The following ABCC4 variants were observed in gnomAD, a reference collection of about 807,000 sequenced individuals.
The protein encoded by ABCC4 is ATP-binding cassette sub-family C member 4.
In ABCC4, 102 loss-of-function variants were observed where a neutral mutation model predicts 168.5. The ratio of observed to expected loss-of-function variants is 0.61; its 90% CI spans 0.52 to 0.71. The LOEUF (loss-of-function observed/expected upper bound fraction) is 0.71. Ranked by LOEUF, ABCC4 falls within the 30% of genes least tolerant of loss-of-function variation. ABCC4 has a pLI of 0.00. For synonymous variants in ABCC4, 617 were observed against 590.7 expected, an observed-to-expected ratio of 1.04 and a Z score of -0.65; for missense variants, 1,402 against 1,605.8, an observed-to-expected ratio of 0.87 and a Z score of 2.17.
At chr13:95,093,423 A>C (rs547233213) in intron 20 of ABCC4, among the ~76,000 whole-genome samples, 1 of 152,340 alleles carries the variant, frequency 6.6e-6, no homozygotes, top group East Asian at 1.9e-4. Context: ...CCACATAAAC[A>C]AAATTAAAAC....
intron 1 of ABCC4, among the ~76,000 whole-genome samples, chr13:95,267,923 C>T (rs962836323): frequency 3.3e-5 from 5 of 152,090 alleles, no homozygotes. Context: ...GCCCGTCAAT[C>T]GTGCCGATGT....
chr13:95,274,835 G>A (rs933438494), intron 1 of ABCC4, among the ~76,000 whole-genome samples: 4 of 152,174 alleles, frequency 2.6e-5, no homozygotes, highest in African/African-American at 9.7e-5. Flanking sequence ...CCAGCACTTT[G>A]GGAGGCCGAG....
At chr13:95,193,816 C>A (rs56137953) in intron 9 of ABCC4, among the ~76,000 whole-genome samples, 13,684 of 152,252 alleles carry the variant, frequency 0.09, 632 homozygotes, top group East Asian at 0.1. Flanking sequence ...GAAGGAGGAA[C>A]GAGTTCAGAG....
chr13:95,269,434 A>AAAAAAAT (rs1443330728), intron 1 of ABCC4: 2 of 118,190 alleles, frequency 1.7e-5, no homozygotes. Flanking sequence ...TCAAAAAAAA[A>AAAAAAAT]ATATATATAT....
At chr13:95,208,046 C>T (rs966460024) in intron 6 of ABCC4, 121 bp from the exon 7 acceptor site, 6 of 1,001,540 alleles carry the variant, frequency 6.0e-6, no homozygotes, top group African/African-American at 3.2e-5. Flanking sequence ...TCCGACAACA[C>T]AGACAGGTCC....
intron 20 of ABCC4, among the ~76,000 whole-genome samples, chr13:95,087,893 T>A (rs1277120730): frequency 1.3e-5 from 2 of 152,226 alleles, no homozygotes; most frequent in Non-Finnish European, 2.9e-5. Flanking sequence ...GTGAATGCCT[T>A]TAAATCAGAA....
At chr13:95,186,923 A>G in intron 10 of ABCC4, 31 bp from the exon 11 acceptor site, 1 of 1,576,872 alleles carries the variant, frequency 6.3e-7, no homozygotes, top group African/African-American at 1.4e-5. Flanking sequence ...GCACATGTTC[A>G]GTCAACACTC....
At chr13:95,026,802 T>C (rs959136032) in intron 30 of ABCC4, among the ~76,000 whole-genome samples, 3 of 151,834 alleles carry the variant, frequency 2.0e-5, no homozygotes, top group African/African-American at 4.8e-5. Flanking sequence ...GAAGGGAGCA[T>C]TGCTTGAGCC....
At chr13:95,069,109 A>G (rs2033642517) in intron 25 of ABCC4, among the ~76,000 whole-genome samples, 1 of 152,234 alleles carries the variant, frequency 6.6e-6, no homozygotes, top group African/African-American at 2.4e-5. Context: ...TTGTGACTAT[A>G]GCCCATTAAA....
At chr13:95,108,084 T>C (rs2035070434) in intron 20 of ABCC4, among the ~76,000 whole-genome samples, 1 of 152,188 alleles carries the variant, frequency 6.6e-6, no homozygotes, top group Admixed American at 6.5e-5. Context: ...GTTATTTAAA[T>C]GAGTAGTCTC....
chr13:95,121,024 G>C (rs2035553292), intron 19 of ABCC4, among the ~76,000 whole-genome samples: 1 of 152,196 alleles, frequency 6.6e-6, no homozygotes, highest in South Asian at 2.1e-4. Flanking sequence ...AGGAGATCTA[G>C]AAGTCCAGTA....
intron 19 of ABCC4, among the ~76,000 whole-genome samples, chr13:95,120,434 G>A (rs1217539089): frequency 6.6e-6 from 1 of 151,940 alleles, no homozygotes; most frequent in Admixed American, 6.6e-5. Context: ...GGGCGTGGTG[G>A]TGGGCGCCTT....
intron 20 of ABCC4, among the ~76,000 whole-genome samples, chr13:95,087,741 C>A (rs2034303270): frequency 6.6e-6 from 1 of 152,200 alleles, no homozygotes; most frequent in African/African-American, 2.4e-5. Context: ...ACAGCATCAG[C>A]ACTAAGTCAG....
At chr13:95,160,998 C>A (rs542935950) in intron 19 of ABCC4, among the ~76,000 whole-genome samples, 191 bp downstream of exon 19, 2 of 149,910 alleles carry the variant, frequency 1.3e-5, no homozygotes, top group East Asian at 3.9e-4. Context: ...TATGCCCCCC[C>A]CTCCCCCCGC....
chr13:95,167,115 T>C (rs2139562556), intron 14 of ABCC4, among the ~76,000 whole-genome samples: 1 of 151,912 alleles, frequency 6.6e-6, no homozygotes, highest in African/African-American at 2.4e-5. Flanking sequence ...AGGCGGAGGT[T>C]GCAGTGAGCA....
At chr13:95,064,270 A>G (rs1421408891) in intron 25 of ABCC4, among the ~76,000 whole-genome samples, 7 of 9,404 alleles carry the variant, frequency 7.4e-4, no homozygotes, top group East Asian at 9.1e-3. Flanking sequence ...GTATATATAT[A>G]TATATATATA....
chr13:95,283,640 A>G (rs9524886), intron 1 of ABCC4, among the ~76,000 whole-genome samples: 109,708 of 151,900 alleles, frequency 0.72, 40,691 homozygotes, highest in Middle Eastern at 0.87. Flanking sequence ...AGAGGGGGCC[A>G]GGCACAGTGG....
rs1250528141 is a variant in ABCC4, at chr13:95,185,756, A to G, written c.1545+945T>C. ...TATCTTCTAGAACTTATAGCCCTCT[A>G]TTAAGTATGCTCAGTTTTCATCAAC... On this transcript the variant is annotated intron_variant, in intron 11 of 30. Transcript: ENST00000645237. Among the ~76,000 whole-genome samples, 8 of 152,046 alleles carry G rather than the reference A, an allele frequency of 5.3e-5. No individual in the cohort carries two copies. The East Asian group carries it at 1.5e-3, about 29-fold the overall frequency.
intron 20 of ABCC4, among the ~76,000 whole-genome samples, chr13:95,105,321 CTGTG>C (rs1297726824): frequency 2.6e-5 from 4 of 152,046 alleles, no homozygotes; most frequent in Non-Finnish European, 5.9e-5. Context: ...TCACCTCCTG[CTGTG>C]TGGCCAGGTT....
Sources: gnomAD v4.1 joint callset for allele counts (sites outside exome capture counted in the v4.1 genomes callset) on GRCh38, gnomAD v4.1.1 for gene constraint, MANE v1.5 for transcripts, NCBI Gene and HGNC (gene_info 2026-07-23, HGNC 2026-07-21) for gene names.